The following MTUS2 variants were observed in gnomAD, a reference collection of about 807,000 sequenced individuals.
The protein encoded by MTUS2 is microtubule-associated tumor suppressor candidate 2.
MTUS2 carries 40 observed loss-of-function variants against 114.1 expected under a neutral mutation model. The observed-to-expected ratio is 0.35, with a 90% CI of 0.27 to 0.46. The LOEUF is 0.46. MTUS2 is among the 20% of genes least tolerant of loss of function. The pLI is 1.00. For missense variants in MTUS2, 1,679 were observed against 1,705.4 expected (o/e 0.98, Z 0.27); for synonymous variants, 688 against 672.0 (o/e 1.02, Z -0.37).
intron 2 of MTUS2, among the ~76,000 whole-genome samples, chr13:28,897,796 A>G (rs1272612800): frequency 1.3e-5 from 2 of 151,984 alleles, no homozygotes; most frequent in Admixed American, 6.6e-5. Context: ...GCATACTATC[A>G]CAAGGACAAA....
At chr13:29,357,569 GC>G (rs1168833315) in intron 7 of MTUS2, among the ~76,000 whole-genome samples, 9 of 152,090 alleles carry the variant, frequency 5.9e-5, no homozygotes, top group African/African-American at 2.2e-4. Context: ...TTTAATGCAG[GC>G]AATAAAATCT....
intron 5 of MTUS2, among the ~76,000 whole-genome samples, chr13:29,106,269 C>T (rs1890663961): frequency 6.6e-6 from 1 of 152,184 alleles, no homozygotes; most frequent in Admixed American, 6.5e-5. Context: ...TTTTTTAGTA[C>T]AAACCAAAAC....
chr13:29,135,120 C>T (rs370234012), intron 5 of MTUS2, among the ~76,000 whole-genome samples: 7 of 152,276 alleles, frequency 4.6e-5, no homozygotes, highest in African/African-American at 1.4e-4. Context: ...GTTCCACCCA[C>T]GTCAGAACCA....
intron 8 of MTUS2, among the ~76,000 whole-genome samples, chr13:29,393,708 C>T (rs1435337160): frequency 2.0e-5 from 3 of 152,162 alleles, no homozygotes; most frequent in South Asian, 2.1e-4. Flanking sequence ...GTGACACAGC[C>T]TCAGGAGGTC....
intron 2 of MTUS2, among the ~76,000 whole-genome samples, chr13:28,906,857 A>ACAT (rs1471566908): frequency 6.6e-6 from 1 of 151,590 alleles, no homozygotes; most frequent in East Asian, 1.9e-4. Flanking sequence ...AACTTCCCCA[A>ACAT]TCTAGCAAGG....
rs767416432 is a variant in MTUS2, at chr13:29,026,589, C to G, written c.1891C>G (p.Pro631Ala). Reference protein sequence around the residue: ...EKTEERTETKPIIMPKPKHVR... With the variant: ...EKTEERTETKAIIMPKPKHVR... Reference sequence around the variant, plus strand: ...AACAGAGGAGAGGACAGAAACTAAGCCCATCATTATGCCCAAGCCCAAGCA... The same window carrying G: ...AACAGAGGAGAGGACAGAAACTAAGGCCATCATTATGCCCAAGCCCAAGCA... The change falls in exon 3 of 16, where the codon CCC becomes GCC. Residue 631 changes from proline to alanine, a missense_variant. By Grantham distance (27) the Pro-to-Ala change is conservative (BLOSUM62 -1). Around this residue, in one of 3 missense-constraint regions of MTUS2, gnomAD observed 14 missense variants for 34.9 expected, o/e 0.40. Coordinates refer to ENST00000612955, the MANE Select transcript of MTUS2 (RefSeq NM_001033602.4). 1.2e-6 allele frequency: 2 copies of G among 1,613,918 alleles called. No homozygotes were observed. The highest frequency in any genetic ancestry group is 1.7e-6 in the Non-Finnish European group (2 of 1,179,866).
chr13:28,882,870 A>G (rs766110115), intron 2 of MTUS2, among the ~76,000 whole-genome samples: 1 of 152,232 alleles, frequency 6.6e-6, no homozygotes, highest in Non-Finnish European at 1.5e-5. Context: ...AAGACGAGCT[A>G]CAGACTGGAA....
At chr13:29,153,995 A>G (rs773067166) in intron 5 of MTUS2, among the ~76,000 whole-genome samples, 5 of 152,202 alleles carry the variant, frequency 3.3e-5, no homozygotes, top group Non-Finnish European at 7.3e-5. Context: ...GGGGCATCCA[A>G]AAGAATCTAC....
chr13:29,217,314 C>T (rs975078414), intron 5 of MTUS2, among the ~76,000 whole-genome samples: 1 of 151,992 alleles, frequency 6.6e-6, no homozygotes, highest in Admixed American at 6.6e-5. Flanking sequence ...CATCATTTAG[C>T]TTGGGTTTTT....
At chr13:28,994,574 C>T (rs966024307) in intron 2 of MTUS2, among the ~76,000 whole-genome samples, 1 of 152,178 alleles carries the variant, frequency 6.6e-6, no homozygotes, top group African/African-American at 2.4e-5. Context: ...TGTTTCCTGA[C>T]TTTTTAGTGA....
At chr13:29,410,465 A>G (rs192872096) in intron 8 of MTUS2, among the ~76,000 whole-genome samples, 1 of 152,316 alleles carries the variant, frequency 6.6e-6, no homozygotes, top group Non-Finnish European at 1.5e-5. Context: ...GAGAAATGGT[A>G]TCTCAATGTT....
At chr13:29,498,954 C>T (rs1258803030) in intron 14 of MTUS2, among the ~76,000 whole-genome samples, 5 of 152,144 alleles carry the variant, frequency 3.3e-5, no homozygotes, top group Non-Finnish European at 5.9e-5. Flanking sequence ...TTTACAGATG[C>T]GGAGATGGAG....
chr13:29,354,170 C>T (rs1018597431), intron 7 of MTUS2, among the ~76,000 whole-genome samples: 1 of 151,876 alleles, frequency 6.6e-6, no homozygotes, highest in Admixed American at 6.5e-5. Flanking sequence ...TTTTCTGACT[C>T]TCAGGGATCA....
At chr13:29,105,649 G>GTTTTTTTTT (rs71090225) in intron 5 of MTUS2, among the ~76,000 whole-genome samples, 2 of 96,576 alleles carry the variant, frequency 2.1e-5, no homozygotes. Context: ...TTTTTCTCCT[G>GTTTTTTTTT]TTTTTTTCTT....
At chr13:29,446,770 A>T (rs1413973560) in intron 9 of MTUS2, among the ~76,000 whole-genome samples, 2 of 152,200 alleles carry the variant, frequency 1.3e-5, no homozygotes, top group African/African-American at 4.8e-5. Flanking sequence ...GGGTTGCCTT[A>T]TAAAGAGGAA....
rs1158036624 is a variant in MTUS2 at position 29,503,778 on chromosome 13, A to G, written c.*572A>G. 8.4e-6 allele frequency: 2 copies of G among 237,164 alleles called. No homozygotes were observed. The highest frequency in any genetic ancestry group is 4.4e-5 in the African/African-American group (2 of 45,166). 14.7% of individuals were successfully genotyped at this position (237,164 alleles called of 1,614,324 possible). ...AGATACAGAGAAGAAGCGCCTTTCA[A>G]CTCACCACCAAGTGGTACTCTCTTT... On this transcript the variant is annotated 3_prime_UTR_variant, in exon 16 of 16. Coordinates refer to ENST00000612955, the MANE Select transcript of MTUS2 (RefSeq NM_001033602.4).
intron 7 of MTUS2, among the ~76,000 whole-genome samples, chr13:29,357,346 C>T (rs1869834652): frequency 6.6e-6 from 1 of 152,192 alleles, no homozygotes; most frequent in African/African-American, 2.4e-5. Flanking sequence ...TTACAATTAG[C>T]TCTAATTCAC....
chr13:29,399,482 G>T (rs1324707427), intron 8 of MTUS2, among the ~76,000 whole-genome samples: 1 of 151,982 alleles, frequency 6.6e-6, no homozygotes, highest in South Asian at 2.1e-4. Flanking sequence ...TCCAATACAC[G>T]GTTCAAAGAT....
chr13:28,915,426 G>T (rs530350103), intron 2 of MTUS2, among the ~76,000 whole-genome samples: 8 of 151,890 alleles, frequency 5.3e-5, no homozygotes, highest in Admixed American at 5.2e-4. Flanking sequence ...AATGTATGAG[G>T]GTTCTCTTTG....
Sources: gnomAD v4.1 joint callset for allele counts (sites outside exome capture counted in the v4.1 genomes callset) on GRCh38, gnomAD v4.1.1 for gene constraint, gnomAD v4.1.1 regional missense constraint, MANE v1.5 for transcripts, NCBI Gene and HGNC (gene_info 2026-07-23, HGNC 2026-07-21) for gene names.